The following CERS4 variants were observed in gnomAD, a reference collection of about 807,000 sequenced individuals.
CERS4 encodes the protein ceramide synthase 4.
CERS4 carries 65 observed loss-of-function variants against 51.8 expected under a neutral mutation model. The ratio of observed to expected loss-of-function variants is 1.26; its 90% CI spans 1.03 to 1.54. The LOEUF is 1.54. Among genes scored for constraint, CERS4 ranks in the 40% most tolerant of loss-of-function variants. The probability of loss-of-function intolerance (pLI) is 0.00; values close to 1 mark genes in which losing one functional copy is unlikely to be tolerated. For missense variants in CERS4, 563 were observed against 500.4 expected (o/e 1.13, Z -1.19); for synonymous variants, 228 against 208.4 (o/e 1.09, Z -0.81).
chr19:8,240,615 T>TGTGTGTGTGTG (rs1555776364), intron 2 of CERS4: 10 of 149,238 alleles, frequency 6.7e-5, no homozygotes, highest in East Asian at 1.9e-4. Flanking sequence ...TGTGTGTGTG[T>TGTGTGTGTGTG]TTTCATCTCT....
chr19:8,229,701 C>T (rs919916947), intron 2 of CERS4, among the ~76,000 whole-genome samples: 1 of 152,024 alleles, frequency 6.6e-6, no homozygotes, highest in African/African-American at 2.4e-5. Context: ...TGTGAGCCAA[C>T]ATGCCCAGCC....
At chr19:8,238,114 A>G (rs1336846695) in intron 2 of CERS4, among the ~76,000 whole-genome samples, 1 of 151,762 alleles carries the variant, frequency 6.6e-6, no homozygotes, top group East Asian at 1.9e-4. Flanking sequence ...AACCCCCCAG[A>G]GACCAGATCC....
At chr19:8,219,359 T>C (rs1967434796) in intron 2 of CERS4, among the ~76,000 whole-genome samples, 1 of 152,104 alleles carries the variant, frequency 6.6e-6, no homozygotes, top group South Asian at 2.1e-4. Context: ...TGCAGGCCCA[T>C]GTAGGTTCAG....
intron 9 of CERS4, among the ~76,000 whole-genome samples, chr19:8,257,327 C>T (rs1969448520): frequency 6.6e-6 from 1 of 152,030 alleles, no homozygotes; most frequent in Non-Finnish European, 1.5e-5. Context: ...TTCTCAGCTT[C>T]CTTGGGAGAT....
chr19:8,241,489 A>T (rs1937011588), intron 2 of CERS4: 1 of 151,634 alleles, frequency 6.6e-6, no homozygotes, highest in Non-Finnish European at 1.5e-5. Context: ...TAATTTTTAA[A>T]TTTTTTTGTC....
intron 2 of CERS4, among the ~76,000 whole-genome samples, chr19:8,217,430 G>A (rs185033684): frequency 1.3e-5 from 2 of 151,504 alleles, no homozygotes; most frequent in Admixed American, 6.6e-5. Context: ...GTGCAGTGGC[G>A]CAATCTCGGT....
intron 9 of CERS4, 97 bp from the exon 10 acceptor site, chr19:8,257,782 G>C: frequency 1.2e-6 from 1 of 869,130 alleles, no homozygotes. Context: ...CTGGAAACAA[G>C]GCCCCACCCC....
intron 2 of CERS4, among the ~76,000 whole-genome samples, chr19:8,211,966 C>T (rs1486181626): frequency 6.6e-6 from 1 of 150,946 alleles, no homozygotes; most frequent in Admixed American, 6.6e-5. Context: ...CCTGACTCAG[C>T]CTAAGGAGGA....
intron 2 of CERS4, among the ~76,000 whole-genome samples, chr19:8,237,666 T>C (rs1012107579): frequency 1.3e-5 from 2 of 152,032 alleles, no homozygotes; most frequent in Admixed American, 6.6e-5. Flanking sequence ...CTGGCTAACA[T>C]GGTGAAACCC....
intron 2 of CERS4, among the ~76,000 whole-genome samples, chr19:8,237,908 C>G (rs1234999380): frequency 1.3e-5 from 2 of 152,150 alleles, no homozygotes; most frequent in African/African-American, 4.8e-5. Context: ...AGCTTCTTGC[C>G]TGTTGATTAT....
At position 8,262,239 on chromosome 19, in the gene CERS4, C is replaced by A; in HGVS notation, c.*130C>A. On this transcript the variant is annotated 3_prime_UTR_variant, in exon 12 of 12. Coordinates refer to ENST00000251363, the MANE Select transcript of CERS4 (RefSeq NM_024552.3). Reference sequence around the variant, plus strand: ...GCCCCACCCGGGGTGGGTGGGAAGGCTGATGATCTGTCTCCAGCCCCTTCC... The same window carrying A: ...GCCCCACCCGGGGTGGGTGGGAAGGATGATGATCTGTCTCCAGCCCCTTCC... 1.0e-6 allele frequency: 1 copy of A among 996,236 alleles called. No homozygotes were observed. The highest frequency in any genetic ancestry group is 1.4e-6 in the Non-Finnish European group (1 of 728,716). 61.7% of individuals were successfully genotyped at this position (996,236 alleles called of 1,614,324 possible). A position where few individuals can be genotyped will look rare whatever the true frequency, so the allele number is the denominator to read the frequency against.
At chr19:8,213,657 A>C (rs1187677976) in intron 2 of CERS4, among the ~76,000 whole-genome samples, 1 of 151,086 alleles carries the variant, frequency 6.6e-6, no homozygotes, top group African/African-American at 2.4e-5. Flanking sequence ...CAGACCCATC[A>C]TGGCTCTGAC....
intron 3 of CERS4, 56 bp downstream of exon 3, chr19:8,251,305 C>T (rs376408026): frequency 1.3e-5 from 19 of 1,491,746 alleles, no homozygotes; most frequent in East Asian, 9.9e-5. Flanking sequence ...AGTATGTGCT[C>T]GTGCCCTGTG....
At chr19:8,251,845 C>T (rs1969099597) in intron 3 of CERS4, among the ~76,000 whole-genome samples, 1 of 151,662 alleles carries the variant, frequency 6.6e-6, no homozygotes, top group Admixed American at 6.6e-5. Context: ...ATCCCAAAGG[C>T]ATCCCAGGGC....
intron 2 of CERS4, among the ~76,000 whole-genome samples, chr19:8,225,884 CAGTT>C (rs1242311509): frequency 1.3e-5 from 2 of 151,850 alleles, no homozygotes; most frequent in African/African-American, 4.8e-5. Flanking sequence ...CTCCAAGACT[CAGTT>C]TGTTCATCTG....
At chr19:8,238,416 C>T (rs896045601) in intron 2 of CERS4, 36 of 681,206 alleles carry the variant, frequency 5.3e-5, no homozygotes, top group South Asian at 4.6e-4. Flanking sequence ...GGGAAGAGGG[C>T]GGAGGCATGT....
chr19:8,244,910 C>T (rs183902328), intron 2 of CERS4, among the ~76,000 whole-genome samples: 81 of 151,986 alleles, frequency 5.3e-4, no homozygotes, highest in African/African-American at 1.9e-3. Context: ...TTTCGGAGGC[C>T]AAGACAGGTG....
rs577871418 is a variant in CERS4, at chr19:8,226,731, G to A, written c.-2+15869G>A. On this transcript the variant is annotated intron_variant, in intron 2 of 11. Coordinates refer to ENST00000251363, the MANE Select transcript of CERS4 (RefSeq NM_024552.3). ...GACCAGACTGGGCACAGTGGCTCAC[G>A]CCTGTAATCCTAGCACTTTGGGAGG... 2.1e-4 allele frequency among the ~76,000 whole-genome samples: 32 copies of A among 152,080 alleles called. 1 individual carries two copies. The highest frequency in any genetic ancestry group is 1.8e-3 in the Admixed American group (27 of 15,222).
chr19:8,256,422 G>A (rs1217879534), intron 7 of CERS4, 136 bp downstream of exon 7: 2 of 1,081,418 alleles, frequency 1.8e-6, no homozygotes, highest in Middle Eastern at 2.4e-4. Context: ...GATTCCTCTG[G>A]GGAATAGAGA....
Sources: gnomAD v4.1 joint callset for allele counts (sites outside exome capture counted in the v4.1 genomes callset) on GRCh38, gnomAD v4.1.1 for gene constraint, MANE v1.5 for transcripts, NCBI Gene and HGNC (gene_info 2026-07-23, HGNC 2026-07-21) for gene names.